VSTM4: variants seen among roughly 807,000 people sequenced by gnomAD.
VSTM4 encodes the protein V-set and transmembrane domain-containing protein 4.
A neutral mutation model predicts 36.4 loss-of-function variants in VSTM4; 20 were observed. The ratio of observed to expected loss-of-function variants is 0.55; its 90% CI spans 0.39 to 0.80. The LOEUF (loss-of-function observed/expected upper bound fraction) is 0.80. VSTM4 is among the 30% of genes least tolerant of loss of function. The pLI, the probability that VSTM4 is intolerant of heterozygous loss-of-function variation, is 0.00. For missense variants in VSTM4, 392 were observed against 404.5 expected (o/e 0.97, Z 0.26); for synonymous variants, 182 against 173.9 (o/e 1.05, Z -0.37).
At chr10:49,046,828 CA>C (rs374104935) in intron 7 of VSTM4, among the ~76,000 whole-genome samples, 154 bp downstream of exon 7, 11 of 152,186 alleles carry the variant, frequency 7.2e-5, no homozygotes, top group Non-Finnish European at 1.2e-4. Flanking sequence ...AAGGCTGACT[CA>C]AAAGCTGGCA....
At chr10:49,084,688 C>A (rs1844338831) in intron 3 of VSTM4, among the ~76,000 whole-genome samples, 1 of 152,232 alleles carries the variant, frequency 6.6e-6, no homozygotes, top group African/African-American at 2.4e-5. Flanking sequence ...CAGACATAAT[C>A]TTTACAAAGT....
chr10:49,067,986 T>C (rs1203751771), intron 4 of VSTM4, among the ~76,000 whole-genome samples: 1 of 152,254 alleles, frequency 6.6e-6, no homozygotes, highest in African/African-American at 2.4e-5. Context: ...TTGTAATACA[T>C]AATACAAGGT....
At chr10:49,094,529 A>G (rs1242041366) in intron 2 of VSTM4, among the ~76,000 whole-genome samples, 1 of 152,226 alleles carries the variant, frequency 6.6e-6, no homozygotes, top group Non-Finnish European at 1.5e-5. Context: ...CTCAGGCAGC[A>G]TCTTACACAG....
chr10:49,101,281 A>G (rs1844660493), intron 2 of VSTM4, among the ~76,000 whole-genome samples: 1 of 152,166 alleles, frequency 6.6e-6, no homozygotes, highest in Non-Finnish European at 1.5e-5. Flanking sequence ...ACGGTAAAAG[A>G]AAATATAAAC....
chr10:49,104,223 C>T lies in VSTM4; in HGVS notation c.457+3371G>A, dbSNP rs190871282. Among the ~76,000 whole-genome samples, 277 of 152,260 alleles carry T rather than the reference C, an allele frequency of 1.8e-3. 2 individuals carry two copies. Among genetic ancestry groups the T allele is most frequent in the African/African-American group, 6.3e-3 (263 of 41,554 alleles). On this transcript the variant is annotated intron_variant, in intron 2 of 7. Transcript: ENST00000332853. Reference sequence around the variant, plus strand: ...CTGAGACAGGAGAATTGCTTGAACCCAGGAGGCAAAGGCTGCAGTGAGCCA... The same window carrying T: ...CTGAGACAGGAGAATTGCTTGAACCTAGGAGGCAAAGGCTGCAGTGAGCCA...
chr10:49,019,674 G>T lies in VSTM4; in HGVS notation c.939C>A (p.Ile313=). The change falls in exon 8 of 8, where the codon ATC becomes ATA. Residue 313 remains isoleucine (I), a synonymous_variant. Transcript: ENST00000332853. ...ACTACAGCTTGTTCTCCTCGAAGAG[G>T]ATCTGGGCGTAGACAGTGCTGGTGG... The part of the protein sequence containing the change: ...GAPTSTVYAQ[I]LFEENKL The T allele has an allele frequency of 6.2e-7, 1 of 1,613,442 alleles. No individual in the cohort carries two copies. The highest frequency in any genetic ancestry group is 8.5e-7 in the Non-Finnish European group (1 of 1,179,666).
In VSTM4 at chr10:49,115,519, G is replaced by GAGC; in HGVS notation, c.-37_-35dup. On this transcript the variant is annotated 5_prime_UTR_variant, in exon 1 of 8. Transcript: ENST00000332853. ...CGCCGCCCGGCGCTGTGACGCGGGA[G>GAGC]AGCGCCGCCGCCTGGCCCGGCCGCC... is the stretch of plus-strand genomic sequence containing the variant. 1.0e-6 allele frequency: 1 copy of GAGC among 980,768 alleles called. No homozygotes were observed. The highest frequency in any genetic ancestry group is 1.2e-6 in the Non-Finnish European group (1 of 828,048). 60.8% of individuals were successfully genotyped at this position (980,768 alleles called of 1,614,324 possible). A position where few individuals can be genotyped will look rare whatever the true frequency, so the allele number is the denominator to read the frequency against.
chr10:49,057,035 G>T (rs1440116485), intron 5 of VSTM4, among the ~76,000 whole-genome samples: 2 of 151,966 alleles, frequency 1.3e-5, no homozygotes, highest in African/African-American at 4.8e-5. Flanking sequence ...GGAGGGGCCA[G>T]GCTCTTTTAA....
At chr10:49,090,681 A>G (rs1311736040) in intron 2 of VSTM4, among the ~76,000 whole-genome samples, 1 of 152,172 alleles carries the variant, frequency 6.6e-6, no homozygotes, top group African/African-American at 2.4e-5. Flanking sequence ...GCTTCTGACC[A>G]CAGCCCCCCT....
intron 1 of VSTM4, among the ~76,000 whole-genome samples, chr10:49,112,184 T>C (rs185107580): frequency 7.6e-4 from 115 of 152,230 alleles, no homozygotes; most frequent in Non-Finnish European, 1.5e-3. Flanking sequence ...AGGAGGAATA[T>C]AACAAAACTG....
chr10:49,070,170 A>G (rs369496839), intron 4 of VSTM4, among the ~76,000 whole-genome samples: 794 of 76,124 alleles, frequency 0.01, 162 homozygotes, highest in Middle Eastern at 0.021. Flanking sequence ...GGAGAATGGC[A>G]TGAACCCGGG....
chr10:49,033,273 A>C (rs949146247), intron 7 of VSTM4, among the ~76,000 whole-genome samples: 4 of 152,220 alleles, frequency 2.6e-5, no homozygotes, highest in African/African-American at 9.7e-5. Context: ...GTTAATGAGA[A>C]AACAATTCAA....
intron 7 of VSTM4, among the ~76,000 whole-genome samples, chr10:49,041,526 G>A (rs986547999): frequency 1.3e-5 from 2 of 152,078 alleles, no homozygotes; most frequent in Non-Finnish European, 2.9e-5. Context: ...ACACAAACAA[G>A]TCAACAACAA....
intron 3 of VSTM4, among the ~76,000 whole-genome samples, chr10:49,079,055 C>T (rs1238030592): frequency 1.3e-5 from 2 of 152,138 alleles, no homozygotes; most frequent in Non-Finnish European, 2.9e-5. Flanking sequence ...TGGTCTTGAA[C>T]TCCTGACTTC....
At chr10:49,051,791 C>A (rs970945585) in intron 5 of VSTM4, among the ~76,000 whole-genome samples, 3 of 152,208 alleles carry the variant, frequency 2.0e-5, no homozygotes, top group Admixed American at 2.0e-4. Flanking sequence ...TCAGCTGCTT[C>A]TAATTTTTAG....
In VSTM4 at chr10:49,107,973, G is replaced by A. The variant is rs1435651803; in HGVS notation, c.78C>T (p.Val26=). Residue 26 remains valine, a synonymous_variant, in exon 2 of 8, where the codon GTC becomes GTT. Coordinates refer to ENST00000332853, the MANE Select transcript of VSTM4 (RefSeq NM_001031746.5). ...CAACCACGGGCCCCGGGGACACAGT[G>A]ACATTGAGGGCCGCACAGACCTCTG... is the stretch of plus-strand genomic sequence containing the variant. ...PAPEVCAALN[V]TVSPGPVVDY... is the part of the protein sequence containing the mutation. 6.3e-7 allele frequency: 1 copy of A among 1,590,980 alleles called. No homozygotes were observed. The highest frequency in any genetic ancestry group is 1.3e-5 in the African/African-American group (1 of 74,424).
At chr10:49,063,021 G>A (rs1421795280) in intron 5 of VSTM4, among the ~76,000 whole-genome samples, 2 of 146,562 alleles carry the variant, frequency 1.4e-5, no homozygotes, top group African/African-American at 5.3e-5. Flanking sequence ...ATTGATGATT[G>A]AATCTTTTTT....
At chr10:49,106,641 C>T (rs1392108521) in intron 2 of VSTM4, among the ~76,000 whole-genome samples, 1 of 152,236 alleles carries the variant, frequency 6.6e-6, no homozygotes, top group East Asian at 1.9e-4. Context: ...TGCTCCCAGG[C>T]CTGACGACTC....
At chr10:49,106,128 G>A (rs554301433) in intron 2 of VSTM4, among the ~76,000 whole-genome samples, 2 of 152,234 alleles carry the variant, frequency 1.3e-5, no homozygotes, top group South Asian at 4.1e-4. Flanking sequence ...TTGAACTACT[G>A]TAAAGACTCT....
Sources: allele counts gnomAD v4.1 joint callset (sites outside exome capture counted in the v4.1 genomes callset), GRCh38; gene constraint gnomAD v4.1.1; transcripts MANE v1.5; gene names NCBI Gene and HGNC (gene_info 2026-07-23, HGNC 2026-07-21).